The following CNTN6 variants were observed in gnomAD, a reference collection of about 807,000 sequenced individuals.
CNTN6 encodes contactin-6.
In CNTN6, 137 loss-of-function variants were observed where a neutral mutation model predicts 122.8. The observed-to-expected ratio is 1.12, with a 90% confidence interval of 0.97 to 1.29. The LOEUF (loss-of-function observed/expected upper bound fraction) is 1.29. Among genes scored for constraint, CNTN6 ranks in the 50% most tolerant of loss-of-function variants. The pLI is 0.00. For synonymous variants in CNTN6, 570 were observed against 426.0 expected (o/e 1.34, Z -4.16); for missense variants, 1,634 against 1,223.4 (o/e 1.34, Z -5.01).
At chr3:1,146,335 A>G (rs2092722204) in intron 1 of CNTN6, among the ~76,000 whole-genome samples, 1 of 152,082 alleles carries the variant, frequency 6.6e-6, no homozygotes, top group South Asian at 2.1e-4. Context: ...TGAACAGGCA[A>G]CTCAAGGCTT....
At chr3:1,102,746 T>C (rs994485842) in intron 1 of CNTN6, among the ~76,000 whole-genome samples, 1 of 140,314 alleles carries the variant, frequency 7.1e-6, no homozygotes, top group African/African-American at 2.6e-5. Context: ...AATAAATACA[T>C]AAATAAGAAA....
chr3:1,212,176 T>A (rs2094048863), intron 2 of CNTN6, among the ~76,000 whole-genome samples: 1 of 151,962 alleles, frequency 6.6e-6, no homozygotes, highest in Admixed American at 6.6e-5. Flanking sequence ...AATTTTCATA[T>A]AATTATTACT....
intron 11 of CNTN6, among the ~76,000 whole-genome samples, chr3:1,331,172 A>G (rs1468800930): frequency 6.6e-6 from 1 of 151,942 alleles, no homozygotes; most frequent in Non-Finnish European, 1.5e-5. Flanking sequence ...TACACAATGA[A>G]GTGTACATCA....
intron 4 of CNTN6, among the ~76,000 whole-genome samples, chr3:1,264,538 C>G (rs1448657185): frequency 6.6e-6 from 1 of 151,970 alleles, no homozygotes; most frequent in African/African-American, 2.4e-5. Context: ...ATAACTTAAA[C>G]CAGCTTCATC....
chr3:1,387,760 G>C (rs1434782939), intron 20 of CNTN6, among the ~76,000 whole-genome samples: 1 of 147,752 alleles, frequency 6.8e-6, no homozygotes, highest in Non-Finnish European at 1.5e-5. Flanking sequence ...GAAGCGCAAG[G>C]GGTCAGGGAG....
chr3:1,104,968 A>G (rs372493702), intron 1 of CNTN6, among the ~76,000 whole-genome samples: 8 of 152,226 alleles, frequency 5.3e-5, no homozygotes, highest in Admixed American at 3.3e-4. Flanking sequence ...TTATTGAACA[A>G]TGCTATGGTA....
At chr3:1,106,245 T>C (rs1315960248) in intron 1 of CNTN6, among the ~76,000 whole-genome samples, 3 of 152,164 alleles carry the variant, frequency 2.0e-5, no homozygotes, top group Non-Finnish European at 4.4e-5. Flanking sequence ...TGTGATATTT[T>C]CTTCTTCAAA....
intron 1 of CNTN6, among the ~76,000 whole-genome samples, chr3:1,121,185 A>G (rs934322415): frequency 1.3e-5 from 2 of 151,916 alleles, no homozygotes; most frequent in African/African-American, 2.4e-5. Flanking sequence ...CTTCATATGT[A>G]TGTAAATATT....
At chr3:1,382,294 T>G (rs1311654770) in intron 17 of CNTN6, among the ~76,000 whole-genome samples, 1 of 152,204 alleles carries the variant, frequency 6.6e-6, no homozygotes. Context: ...ATATTACCAA[T>G]TTCTATTTTG....
intron 2 of CNTN6, among the ~76,000 whole-genome samples, chr3:1,166,089 A>T (rs1192572624): frequency 6.6e-6 from 1 of 152,218 alleles, no homozygotes; most frequent in Non-Finnish European, 1.5e-5. Context: ...CTCATTTCTC[A>T]GTGCGTTGCT....
At chr3:1,387,761 G>T (rs749387633) in intron 20 of CNTN6, among the ~76,000 whole-genome samples, 1 of 147,566 alleles carries the variant, frequency 6.8e-6, no homozygotes, top group East Asian at 2.0e-4. Flanking sequence ...AAGCGCAAGG[G>T]GTCAGGGAGT....
chr3:1,255,322 T>C (rs768812500), intron 4 of CNTN6, among the ~76,000 whole-genome samples: 8 of 150,946 alleles, frequency 5.3e-5, no homozygotes, highest in Non-Finnish European at 7.4e-5. Flanking sequence ...TCTCCCATGG[T>C]GATATGAGGA....
chr3:1,242,951 T>C (rs943877278), intron 4 of CNTN6, among the ~76,000 whole-genome samples: 17 of 151,488 alleles, frequency 1.1e-4, no homozygotes, highest in East Asian at 1.9e-4. Flanking sequence ...TAATGTGGAG[T>C]GGGTAGCCTC....
At position 1,346,138 on chromosome 3, in the gene CNTN6, T is replaced by C. The variant is rs77863811; in HGVS notation, c.1365-6186T>C. On this transcript the variant is annotated intron_variant, in intron 11 of 22. Transcript: ENST00000446702. ...TCTACATGTACAGATCTGTTTTCTG[T>C]ATGTAAATAAATTAAGGATTGGGTA... Among the ~76,000 whole-genome samples the C allele has an allele frequency of 3.5e-3, 527 of 152,278 alleles. 11 individuals are homozygous for C. The highest frequency in any genetic ancestry group is 0.028 in the Admixed American group (422 of 15,278).
intron 2 of CNTN6, among the ~76,000 whole-genome samples, chr3:1,170,112 C>T (rs1474968119): frequency 6.6e-6 from 1 of 151,702 alleles, no homozygotes; most frequent in African/African-American, 2.4e-5. Flanking sequence ...TGGTGCAAGC[C>T]TGTAGCCCCA....
chr3:1,199,628 G>C (rs1001325378), intron 2 of CNTN6, among the ~76,000 whole-genome samples: 8 of 152,086 alleles, frequency 5.3e-5, no homozygotes, highest in African/African-American at 1.9e-4. Context: ...TGTTCTCTCT[G>C]CTGCCTATTT....
At chr3:1,170,827 G>A (rs2093346029) in intron 2 of CNTN6, among the ~76,000 whole-genome samples, 1 of 152,142 alleles carries the variant, frequency 6.6e-6, no homozygotes, top group Non-Finnish European at 1.5e-5. Context: ...TCTTTAAGAA[G>A]TTGGGTTACC....
chr3:1,241,618 G>T (rs2094485997), intron 4 of CNTN6, among the ~76,000 whole-genome samples: 1 of 152,098 alleles, frequency 6.6e-6, no homozygotes, highest in Admixed American at 6.6e-5. Flanking sequence ...AGTGCCCAAG[G>T]GGGTTCAGCA....
At chr3:1,289,962 A>C (rs9835187) in intron 5 of CNTN6, among the ~76,000 whole-genome samples, 132,661 of 151,926 alleles carry the variant, frequency 0.87, 58,062 homozygotes, top group East Asian at 0.97. Flanking sequence ...GCGTGAGCCA[A>C]TGCGCCCGGC....
Sources: allele counts gnomAD v4.1 joint callset (sites outside exome capture counted in the v4.1 genomes callset), GRCh38; gene constraint gnomAD v4.1.1; transcripts MANE v1.5; gene names NCBI Gene and HGNC (gene_info 2026-07-23, HGNC 2026-07-21).